Variants in RAD51B observed in about 807,000 individuals in gnomAD.
RAD51B encodes the protein DNA repair protein RAD51 homolog 2.
Under a neutral mutation model 42.2 loss-of-function variants are expected in RAD51B, and 38 were observed. The observed-to-expected ratio is 0.90, with a 90% CI of 0.70 to 1.18. The LOEUF is 1.18. RAD51B is among the 50% of genes most tolerant of loss of function. The probability of loss-of-function intolerance (pLI) is 0.00; values close to 1 mark genes in which losing one functional copy is unlikely to be tolerated. For missense variants in RAD51B, 373 were observed against 400.7 expected, an observed-to-expected ratio of 0.93 and a Z score of 0.59; for synonymous variants, 154 against 145.2, an observed-to-expected ratio of 1.06 and a Z score of -0.43.
chr14:68,550,379 C>T (rs1219247535), intron 10 of RAD51B, among the ~76,000 whole-genome samples: 2 of 152,154 alleles, frequency 1.3e-5, no homozygotes, highest in Non-Finnish European at 1.5e-5. Flanking sequence ...TGCATTGCAG[C>T]GAAACGTCAT....
chr14:67,826,828 G>A (rs952044138), intron 3 of RAD51B, among the ~76,000 whole-genome samples: 7 of 151,964 alleles, frequency 4.6e-5, no homozygotes, highest in Admixed American at 6.6e-5. Context: ...GACTACAGGT[G>A]CACACCACCA....
At chr14:68,530,918 G>A (rs10134446) in intron 10 of RAD51B, among the ~76,000 whole-genome samples, 74,354 of 151,950 alleles carry the variant, frequency 0.49, 19,038 homozygotes, top group East Asian at 0.7. Context: ...GTAATATGTT[G>A]AGATAATATG....
At chr14:68,562,289 C>T in intron 10 of RAD51B, 1 of 985,416 alleles carries the variant, frequency 1.0e-6, no homozygotes, top group Middle Eastern at 5.2e-4. Flanking sequence ...GAAAATGCCA[C>T]TTTTGAACGC....
rs1309520018 is a variant in RAD51B, at chr14:68,055,113, T to C, written c.756+167909T>C. ...TTAACAATTTAGGAATAAACTGATA[T>C]TCCTGACAAGCAAAAATAACTTATC... On this transcript the variant is annotated intron_variant, in intron 7 of 10. Transcript: ENST00000471583. 3.3e-5 allele frequency among the ~76,000 whole-genome samples: 5 copies of C among 152,316 alleles called. No homozygotes were observed. In the South Asian group the frequency reaches 6.2e-4, roughly 19 times the overall value.
chr14:67,955,384 A>G (rs186319022), intron 7 of RAD51B, among the ~76,000 whole-genome samples: 61 of 152,346 alleles, frequency 4.0e-4, no homozygotes, highest in Admixed American at 1.4e-3. Context: ...TTCAAATGTT[A>G]TAAGGAAACA....
At chr14:68,662,708 T>C (rs956317702) in intron 11 of RAD51B, among the ~76,000 whole-genome samples, 28 of 152,240 alleles carry the variant, frequency 1.8e-4, no homozygotes, top group Admixed American at 1.2e-3. Flanking sequence ...AGTAGTCATC[T>C]TTTTTCTTGG....
At chr14:68,331,026 T>A (rs191927850) in intron 8 of RAD51B, among the ~76,000 whole-genome samples, 17 of 152,004 alleles carry the variant, frequency 1.1e-4, no homozygotes, top group African/African-American at 3.6e-4. Context: ...TAAAATATAG[T>A]TTTAAAAACA....
At chr14:67,949,300 A>G (rs982732777) in intron 7 of RAD51B, among the ~76,000 whole-genome samples, 3 of 152,212 alleles carry the variant, frequency 2.0e-5, no homozygotes, top group Non-Finnish European at 2.9e-5. Flanking sequence ...TGCTTTATCA[A>G]CTAAATTTAT....
intron 4 of RAD51B, among the ~76,000 whole-genome samples, chr14:67,836,369 G>A (rs917358431): frequency 6.6e-6 from 1 of 152,162 alleles, no homozygotes; most frequent in Non-Finnish European, 1.5e-5. Context: ...CAAGATGGAA[G>A]TGGTGATATC....
At chr14:68,402,756 G>T (rs541445159) in intron 8 of RAD51B, among the ~76,000 whole-genome samples, 1 of 152,196 alleles carries the variant, frequency 6.6e-6, no homozygotes, top group Non-Finnish European at 1.5e-5. Context: ...TGAGGTTCTC[G>T]ATGAGGAACT....
At position 68,403,181 on chromosome 14, in the gene RAD51B, T is replaced by C. The variant is rs1438365350; in HGVS notation, c.854-8243T>C. ...CCTTTATTTTTTTAAATTTCCTCTT[T>C]CTACTCTAAATAAATGGGCTTTCAT... On this transcript the variant is annotated intron_variant, in intron 8 of 10. Coordinates refer to ENST00000471583, the MANE Select transcript of RAD51B (RefSeq NM_133510.4). 2.0e-5 allele frequency among the ~76,000 whole-genome samples: 3 copies of C among 152,196 alleles called. No individual in the cohort carries two copies. In the East Asian group the frequency reaches 5.8e-4, roughly 29 times the overall value.
At position 67,920,848 on chromosome 14, in the gene RAD51B, T is replaced by A. The variant is rs1445473951; in HGVS notation, c.756+33644T>A. ...AGGTGGTAAAACAGAAGATTAAAGG[T>A]CCTATAGATGATATTTACCAATGAA... is the stretch of plus-strand genomic sequence containing the variant. On this transcript the variant is annotated intron_variant, in intron 7 of 10. Coordinates refer to ENST00000471583, the MANE Select transcript of RAD51B (RefSeq NM_133510.4). Among the ~76,000 whole-genome samples the A allele has an allele frequency of 2.0e-5, 3 of 152,074 alleles. No homozygotes were observed. In the East Asian group the frequency reaches 5.8e-4, roughly 29 times the overall value.
intron 8 of RAD51B, chr14:68,339,545 A>G (rs2082530017): frequency 1.0e-5 from 4 of 385,150 alleles, no homozygotes; most frequent in Non-Finnish European, 1.8e-5. Context: ...TGGCGGGAGG[A>G]GAGACTTATG....
chr14:68,217,259 T>G (rs996170009), intron 7 of RAD51B, among the ~76,000 whole-genome samples: 3 of 152,152 alleles, frequency 2.0e-5, no homozygotes, highest in African/African-American at 7.2e-5. Context: ...TTCAGACCAT[T>G]CTTCATCTCC....
chr14:68,149,757 T>G (rs1049153859), intron 7 of RAD51B: 2 of 152,230 alleles, frequency 1.3e-5, no homozygotes, highest in African/African-American at 4.8e-5. Context: ...GGCAACCTGG[T>G]TGGTTCCCTG....
intron 10 of RAD51B, among the ~76,000 whole-genome samples, chr14:68,624,092 G>A (rs1892015660): frequency 6.6e-6 from 1 of 152,140 alleles, no homozygotes; most frequent in South Asian, 2.1e-4. Context: ...GGAGGTCCAG[G>A]CATCTCACCA....
intron 5 of RAD51B, among the ~76,000 whole-genome samples, chr14:67,879,045 C>G (rs2042821181): frequency 6.6e-6 from 1 of 152,140 alleles, no homozygotes; most frequent in South Asian, 2.1e-4. Flanking sequence ...CCAAACAGGG[C>G]TCCATTAGGA....
chr14:68,645,672 CT>C (rs1261603311), intron 10 of RAD51B, among the ~76,000 whole-genome samples: 2 of 152,110 alleles, frequency 1.3e-5, no homozygotes, highest in African/African-American at 2.4e-5. Flanking sequence ...TGTTTTTCTC[CT>C]TTTTTTAGTG....
chr14:67,860,010 C>A (rs780219182), intron 4 of RAD51B, among the ~76,000 whole-genome samples: 1 of 152,040 alleles, frequency 6.6e-6, no homozygotes, highest in Non-Finnish European at 1.5e-5. Flanking sequence ...TTAGTAGAGA[C>A]GAGGTTTCTC....
Sources: gnomAD v4.1 joint callset for allele counts (sites outside exome capture counted in the v4.1 genomes callset) on GRCh38, gnomAD v4.1.1 for gene constraint, MANE v1.5 for transcripts, NCBI Gene and HGNC (gene_info 2026-07-23, HGNC 2026-07-21) for gene names.